Variants in RGS8 observed in about 807,000 individuals in gnomAD.
RGS8 encodes the protein regulator of G-protein signaling 8.
In RGS8, 8 loss-of-function variants were observed where a neutral mutation model predicts 21.7. The observed-to-expected ratio is 0.37, with a 90% CI of 0.22 to 0.66. RGS8 has a LOEUF of 0.66. RGS8 is among the 30% of genes least tolerant of loss of function. RGS8 has a pLI of 0.59. For synonymous variants in RGS8, 80 were observed against 83.6 expected (o/e 0.96, Z 0.24); for missense variants, 157 against 217.9 (o/e 0.72, Z 1.76).
intron 4 of RGS8, 44 bp from the exon 6 acceptor site, chr1:182,666,077 C>T: frequency 1.3e-6 from 2 of 1,542,360 alleles, no homozygotes; most frequent in Admixed American, 1.7e-5. Context: ...CTGAAATAAC[C>T]TCCTTGCCCT....
the RGS8 span, among the ~76,000 whole-genome samples, chr1:182,739,876 G>A: frequency 4.0e-3 from 606 of 152,254 alleles, 6 homozygotes; most frequent in African/African-American, 0.013. Flanking sequence ...AGCAGGGAAG[G>A]GAAGGGGGGC....
the RGS8 span, among the ~76,000 whole-genome samples, chr1:182,715,100 G>T: frequency 6.6e-6 from 1 of 152,200 alleles, no homozygotes; most frequent in South Asian, 2.1e-4. Context: ...CAGTGAGTTT[G>T]CTTTCAGCTA....
intron 1 of RGS8, 83 bp from the exon 3 acceptor site, chr1:182,671,813 C>T (rs2102446187): frequency 6.2e-7 from 1 of 1,606,566 alleles, no homozygotes; most frequent in East Asian, 2.2e-5. Flanking sequence ...TAGGGGCACA[C>T]ACACACATAT....
At chr1:182,688,377 T>A (rs1664752024), upstream of RGS8, among the ~76,000 whole-genome samples, 1 of 151,588 alleles carries the variant, frequency 6.6e-6, no homozygotes, top group Admixed American at 6.6e-5. Flanking sequence ...TCTCTCTCTC[T>A]CATCTTCATT....
the RGS8 span, among the ~76,000 whole-genome samples, chr1:182,713,992 T>C: frequency 6.6e-6 from 1 of 152,186 alleles, no homozygotes. Context: ...ACAATCCTCT[T>C]CGTGTGCATA....
At chr1:182,705,225 G>GT in the RGS8 span, among the ~76,000 whole-genome samples, 13 of 152,266 alleles carry the variant, frequency 8.5e-5, no homozygotes, top group African/African-American at 3.1e-4. Context: ...ATGACACATG[G>GT]TAAAAACCCC....
the RGS8 span, among the ~76,000 whole-genome samples, chr1:182,740,660 T>C: frequency 5.0e-5 from 7 of 140,994 alleles, no homozygotes; most frequent in Admixed American, 4.5e-4. Context: ...GATAAACAAG[T>C]GAACAAAGGT....
upstream of RGS8, among the ~76,000 whole-genome samples, chr1:182,686,458 G>C (rs1365120603): frequency 1.3e-5 from 2 of 152,112 alleles, no homozygotes; most frequent in East Asian, 1.9e-4. Context: ...TGAGAGGAAA[G>C]GACAAAGTAC....
chr1:182,669,778 AG>A, intron 2 of RGS8, 26 bp from the exon 4 acceptor site: 2 of 1,550,034 alleles, frequency 1.3e-6, no homozygotes, highest in Non-Finnish European at 1.7e-6. Flanking sequence ...CTGCTGTAAG[AG>A]GGGCCACCCT....
chr1:182,732,036 G>A, the RGS8 span, among the ~76,000 whole-genome samples: 1 of 152,286 alleles, frequency 6.6e-6, no homozygotes, highest in Admixed American at 6.5e-5. Context: ...CTAGGACTAG[G>A]TTATTAGCAG....
chr1:182,750,408 A>T, the RGS8 span, among the ~76,000 whole-genome samples: 2 of 152,106 alleles, frequency 1.3e-5, no homozygotes, highest in African/African-American at 2.4e-5. Flanking sequence ...TTTACAGATG[A>T]TTTTTCTTTC....
chr1:182,748,690 ATAAGGGCT>A, the RGS8 span, among the ~76,000 whole-genome samples: 1 of 152,214 alleles, frequency 6.6e-6, no homozygotes, highest in South Asian at 2.1e-4. Context: ...ACTGTTTTTC[ATAAGGGCT>A]GCATTAATTT....
At chr1:182,725,919 A>G in the RGS8 span, among the ~76,000 whole-genome samples, 2 of 152,234 alleles carry the variant, frequency 1.3e-5, no homozygotes, top group African/African-American at 4.8e-5. Flanking sequence ...TATGAGTAAC[A>G]TTTGCACACA....
At chr1:182,682,443 C>A (rs1445303333) in intron 1 of RGS8, among the ~76,000 whole-genome samples, 1 of 152,140 alleles carries the variant, frequency 6.6e-6, no homozygotes, top group Non-Finnish European at 1.5e-5. Flanking sequence ...TCTGGCTGAA[C>A]TTCCTCGAGT....
At chr1:182,694,015 C>T in the RGS8 span, among the ~76,000 whole-genome samples, 1 of 152,110 alleles carries the variant, frequency 6.6e-6, no homozygotes, top group Non-Finnish European at 1.5e-5. Flanking sequence ...CAGTACCCTA[C>T]TGGGTACTGT....
chr1:182,656,478 G>A (rs957809465), intron 5 of RGS8, among the ~76,000 whole-genome samples: 2 of 152,226 alleles, frequency 1.3e-5, no homozygotes, highest in Non-Finnish European at 2.9e-5. Context: ...AAAACTGATG[G>A]CCTGGTGGGG....
chr1:182,646,886 G>C, exon 7 of RGS8: 1 of 1,614,040 alleles, frequency 6.2e-7, no homozygotes, highest in Non-Finnish European at 8.5e-7. Context: ...GTTCTTCCTC[G>C]TGGCTTCTCG....
the RGS8 span, among the ~76,000 whole-genome samples, chr1:182,730,288 A>G: frequency 6.6e-6 from 1 of 152,366 alleles, no homozygotes; most frequent in East Asian, 1.9e-4. Flanking sequence ...TATACTTCCA[A>G]GAAGGATCAG....
the RGS8 span, among the ~76,000 whole-genome samples, chr1:182,694,149 A>AG: frequency 1.3e-5 from 2 of 152,096 alleles, no homozygotes; most frequent in Non-Finnish European, 2.9e-5. Context: ...AAAAAAAAAA[A>AG]GAAAGTTTAC....
Sources: gnomAD v4.1 joint callset for allele counts (sites outside exome capture counted in the v4.1 genomes callset) on GRCh38, gnomAD v4.1.1 for gene constraint, MANE v1.5 for transcripts, NCBI Gene and HGNC (gene_info 2026-07-23, HGNC 2026-07-21) for gene names.